Variants in CUL7 observed in about 807,000 individuals in gnomAD.
The protein encoded by CUL7 is cullin-7.
In CUL7, 96 loss-of-function variants were observed where a neutral mutation model predicts 177.7. The ratio of observed to expected loss-of-function variants is 0.54; its 90% CI spans 0.46 to 0.64. CUL7 has a LOEUF of 0.64. Among genes scored for constraint, CUL7 ranks in the 30% least tolerant of loss-of-function variants. The pLI is 0.00. For synonymous variants in CUL7, 824 were observed against 890.2 expected (o/e 0.93, Z 1.32); for missense variants, 1,893 against 2,187.9 (o/e 0.87, Z 2.69).
Position 43,051,461 on chromosome 6 carries a change from C to T in CUL7, c.740G>A (p.Gly247Glu). 6.2e-7 allele frequency: 1 copy of T among 1,614,058 alleles called. No individual in the cohort carries two copies. The highest frequency in any genetic ancestry group is 8.5e-7 in the Non-Finnish European group (1 of 1,180,018). ...FEGIQLPQVP[G>E]RVLFSLVKRY... The stretch of plus-strand genomic sequence containing the variant: ...CTTCACCAGGGAGAAGAGCACCCTT[C>T]CTGGGACCTGTGGGATACAACCTTT... The change falls in exon 4 of 26, where the codon GGA (glycine) becomes GAA (glutamate). Residue 247 changes from glycine to glutamate, a missense_variant. Around this residue, in one of 5 missense-constraint regions of CUL7, gnomAD observed 653 missense variants for 725.2 expected, o/e 0.90. Coordinates refer to ENST00000265348, the MANE Select transcript of CUL7 (RefSeq NM_014780.5). This position sits in a 1 kb window ranked among gnomAD's most constrained non-coding sequence, Gnocchi z 5.0.
At position 43,038,829 on chromosome 6, in the gene CUL7, G is replaced by A. The variant is rs144245050; in HGVS notation, c.4440+13C>T. ...GTGGGAGACAGGAGAGAGGTGCAGC[G>A]GGGCTGGGCCACCTTCAGGTCGTTG... On this transcript the variant is annotated intron_variant, in intron 23 of 25. Transcript: ENST00000265348. The A allele has an allele frequency of 1.5e-5, 24 of 1,614,172 alleles. No homozygotes were observed. The highest frequency in any genetic ancestry group is 4.0e-5 in the African/African-American group (3 of 75,054).
At position 43,051,183 on chromosome 6, in the gene CUL7, G is replaced by C. The variant is rs764274650; in HGVS notation, c.1018C>G (p.Pro340Ala). ...TGAGCCTGGGCAGCGGGGAGCCCTG[G>C]GCTCACATCTGCCAGCTGAGGCTGG... Reference protein sequence around the residue: ...IFQPQLADVSPGLPAAQAQPS... With the variant: ...IFQPQLADVSAGLPAAQAQPS... The change falls in exon 4 of 26, where the codon CCA becomes GCA. Residue 340 changes from proline to alanine, a missense_variant. Pro to Ala is a conservative substitution (Grantham distance 27). Transcript: ENST00000265348. The surrounding 1 kb of genome is among the most constrained non-coding windows in gnomAD (Gnocchi z 5.0). 1.2e-6 allele frequency: 2 copies of C among 1,614,188 alleles called. No homozygotes were observed. The highest frequency in any genetic ancestry group is 2.2e-5 in the South Asian group (2 of 91,088).
At position 43,051,260 on chromosome 6, in the gene CUL7, T is replaced by TC; in HGVS notation, c.940dup (p.Asp314GlyfsTer49). ...GCTCCTTGGTCTGTCTGAGGCCTGG[T>TC]CCCAGCGCATGGCTTGCACCAGCTC... is the stretch of plus-strand genomic sequence containing the variant. On this transcript the variant is annotated frameshift_variant, in exon 4 of 26. Transcript: ENST00000265348. LOFTEE classifies it high-confidence loss of function. This position sits in a 1 kb window ranked among gnomAD's most constrained non-coding sequence, Gnocchi z 5.0. 6.2e-7 allele frequency: 1 copy of TC among 1,612,954 alleles called. No homozygotes were observed. The highest frequency in any genetic ancestry group is 2.2e-5 in the East Asian group (1 of 44,844).
At chr6:43,044,966 A>C in intron 15 of CUL7, 81 bp from the exon 16 acceptor site, 2 of 1,575,598 alleles carry the variant, frequency 1.3e-6, no homozygotes, top group Non-Finnish European at 1.7e-6. Context: ...TAAGACTGCC[A>C]GCTAACCCCA....
chr6:43,049,268 C>T (rs778645272), intron 7 of CUL7, 139 bp downstream of exon 7: 31 of 1,082,480 alleles, frequency 2.9e-5, no homozygotes, highest in African/African-American at 1.1e-4. Flanking sequence ...CCTGCTTCTC[C>T]GTTTGTTGCT....
In CUL7 at chr6:43,038,333, G is replaced by A. The variant is rs1763127924; in HGVS notation, c.4707C>T (p.Cys1569=). ...NLEKRRNLLN[C]LIVRILKAHG... The stretch of plus-strand genomic sequence containing the variant: ...GGGCCTTGAGGATTCGGACGATGAG[G>A]CAGTTCAGAAGATTCCGTCTCTTCT... The change falls in exon 25 of 26, where the codon TGC becomes TGT. Residue 1569 remains cysteine, a synonymous_variant. Transcript: ENST00000265348. 1 of 1,614,074 alleles carries A rather than the reference G, an allele frequency of 6.2e-7. No homozygotes were observed. The highest frequency in any genetic ancestry group is 8.5e-7 in the Non-Finnish European group (1 of 1,180,052).
At position 43,043,002 on chromosome 6, in the gene CUL7, G is replaced by A. The variant is rs557518723; in HGVS notation, c.3463-18C>T. 1.1e-5 allele frequency: 18 copies of A among 1,614,112 alleles called. No individual in the cohort carries two copies. The highest frequency in any genetic ancestry group is 8.0e-5 in the African/African-American group (6 of 75,050). ...TTGTTCACCTGGAAGGAAGGGGCAG[G>A]AGCATGAAGACACAACCCAACATGC... On this transcript the variant is annotated intron_variant, in intron 18 of 25. Coordinates refer to ENST00000265348, the MANE Select transcript of CUL7 (RefSeq NM_014780.5). This position sits in a 1 kb window ranked among gnomAD's most constrained non-coding sequence, Gnocchi z 4.2.
rs1437565446 is a variant in CUL7 at position 43,040,556 on chromosome 6, G to C, written c.3997C>G (p.Leu1333Val). Residue 1333 changes from leucine to valine, a missense_variant, in exon 21 of 26, where the codon CTG (leucine) becomes GTG (valine). Coordinates refer to ENST00000265348, the MANE Select transcript of CUL7 (RefSeq NM_014780.5). This position sits in a 1 kb window ranked among gnomAD's most constrained non-coding sequence, Gnocchi z 4.2. Reference protein sequence around the residue: ...LQQLDQELLKLEDTEKKIQVG... With the variant: ...LQQLDQELLKVEDTEKKIQVG... ...TGTATTTTCTTCTCTGTATCCTCCAGCTTCAGGAGTTCCTGATCCAGCTGC... is the reference window on the plus strand; with the variant it reads ...TGTATTTTCTTCTCTGTATCCTCCACCTTCAGGAGTTCCTGATCCAGCTGC... 3 of 1,614,030 alleles carry C rather than the reference G, an allele frequency of 1.9e-6. No individual in the cohort carries two copies. The highest frequency in any genetic ancestry group is 2.5e-6 in the Non-Finnish European group (3 of 1,180,032).
Position 43,051,143 on chromosome 6 carries a change from C to G in CUL7, c.1058G>C (p.Arg353Thr). The G allele has an allele frequency of 6.2e-7, 1 of 1,614,232 alleles. No individual in the cohort carries two copies. ...AGAACGAGGGCGAAAACGTCTTGAC[C>G]TCCTGAAGGAGGGCTGAGCCTGGGC... Reference protein sequence around the residue: ...PAAQAQPSFRRSRRFRPRSEF... With the variant: ...PAAQAQPSFRTSRRFRPRSEF... Residue 353 changes from arginine to threonine, a missense_variant, in exon 4 of 26, where the codon AGG (arginine) becomes ACG (threonine). Coordinates refer to ENST00000265348, the MANE Select transcript of CUL7 (RefSeq NM_014780.5). This position sits in a 1 kb window ranked among gnomAD's most constrained non-coding sequence, Gnocchi z 5.0.
rs2150333591 is a variant in CUL7 at position 43,050,546 on chromosome 6, G to A, written c.1234-148C>T. The A allele has an allele frequency of 1.8e-6, 1 of 567,312 alleles. No homozygotes were observed. The allele number at this position is 567,312 out of a possible 1,614,324, so 35.1% of individuals were successfully genotyped here. A position where few individuals can be genotyped will look rare whatever the true frequency, so the allele number is the denominator to read the frequency against. On this transcript the variant is annotated intron_variant, in intron 4 of 25. Coordinates refer to ENST00000265348, the MANE Select transcript of CUL7 (RefSeq NM_014780.5). The surrounding 1 kb of genome is among the most constrained non-coding windows in gnomAD (Gnocchi z 4.1). ...ACATAACAAAACAGCAGCATATGGA[G>A]AATACACACACACACACACACACAC...
intron 7 of CUL7, 84 bp downstream of exon 7, chr6:43,049,323 G>A: frequency 1.3e-6 from 2 of 1,577,474 alleles, no homozygotes; most frequent in South Asian, 1.1e-5. Flanking sequence ...TTCCAGAAAG[G>A]ATTGCATAAA....
chr6:43,040,530 C>G lies in CUL7; in HGVS notation c.4023G>C (p.Gln1341His). 6.2e-7 allele frequency: 1 copy of G among 1,614,060 alleles called. No homozygotes were observed. Among genetic ancestry groups the G allele is most frequent in the South Asian group, 1.1e-5 (1 of 91,082 alleles). Residue 1341 changes from glutamine to histidine, a missense_variant and splice_region_variant, in exon 21 of 26, where the codon CAG becomes CAC. Gln to His is a conservative substitution (Grantham distance 24). This residue lies in a region of CUL7 where 973 missense variants were observed against 1,140.9 expected (regional missense o/e 0.85). Transcript: ENST00000265348. This position sits in a 1 kb window ranked among gnomAD's most constrained non-coding sequence, Gnocchi z 4.2. ...TGCTTATCCCTTCCAAGGCACTCAC[C>G]TGTATTTTCTTCTCTGTATCCTCCA... The part of the protein sequence containing the change: ...LKLEDTEKKI[Q>H]VGLGASGKEH...
In CUL7 at chr6:43,046,953, A is replaced by G. The variant is rs1048412653; in HGVS notation, c.2324T>C (p.Met775Thr). The part of the protein sequence containing the change: ...KLELAQELRD[M>T]VFKCEKHAHL... ...GGCATGCTTCTCACACTTGAACACC[A>G]TGTCCCGCAGCTCCTGAGCCAGCTC... The change falls in exon 10 of 26, where the codon ATG (methionine) becomes ACG (threonine). Residue 775 changes from methionine to threonine, a missense_variant. By Grantham distance (81) the Met-to-Thr change is moderately conservative (BLOSUM62 -1). This residue lies in a region of CUL7 where 973 missense variants were observed against 1,140.9 expected (regional missense o/e 0.85). Coordinates refer to ENST00000265348, the MANE Select transcript of CUL7 (RefSeq NM_014780.5). 6.2e-7 allele frequency: 1 copy of G among 1,613,548 alleles called. No individual in the cohort carries two copies. The highest frequency in any genetic ancestry group is 1.3e-5 in the African/African-American group (1 of 74,850).
In CUL7 at chr6:43,048,346, G is replaced by T; in HGVS notation, c.2049C>A (p.His683Gln). Residue 683 changes from histidine to glutamine, a missense_variant, in exon 8 of 26, where the codon CAC becomes CAA. Coordinates refer to ENST00000265348, the MANE Select transcript of CUL7 (RefSeq NM_014780.5). ...CATGCTCTCACCTCAGCACAGTCAG[G>T]TGCAGGGTCCTGTTAGTCTCCGGAG... ...LDTPETNRTL[H>Q]LTVLRILKQL... The T allele has an allele frequency of 1.9e-6, 3 of 1,611,520 alleles. No homozygotes were observed. The highest frequency in any genetic ancestry group is 2.5e-6 in the Non-Finnish European group (3 of 1,177,536).
rs1317553410 is a variant in CUL7, at chr6:43,051,382, C to T, written c.819G>A (p.Glu273=). 1.9e-6 allele frequency: 3 copies of T among 1,613,966 alleles called. No individual in the cohort carries two copies. The highest frequency in any genetic ancestry group is 2.5e-6 in the Non-Finnish European group (3 of 1,179,994). Residue 273 remains glutamate, a synonymous_variant, in exon 4 of 26, where the codon GAG becomes GAA. Transcript: ENST00000265348. The surrounding 1 kb of genome is among the most constrained non-coding windows in gnomAD (Gnocchi z 5.0). The part of the protein sequence containing the change: ...LLDQLNDSAA[E]PGAQNTSAPE... The stretch of plus-strand genomic sequence containing the variant: ...GAGCAGAGGTGTTCTGGGCTCCTGG[C>T]TCCGCAGCACTGTCGTTCAGCTGAT...
Position 43,047,017 on chromosome 6 carries a change from C to G in CUL7, c.2260G>C (p.Ala754Pro). Residue 754 changes from alanine to proline, a missense_variant, in exon 10 of 26, where the codon GCT becomes CCT. Around this residue, in one of 5 missense-constraint regions of CUL7, gnomAD observed 973 missense variants for 1,140.9 expected, o/e 0.85. Coordinates refer to ENST00000265348, the MANE Select transcript of CUL7 (RefSeq NM_014780.5). ...TGCTTTTCCAGGGCCTTGGAGATAGCGTCTCTTGCTCCCAGCTGATTCAGC... is the reference window on the plus strand; with the variant it reads ...TGCTTTTCCAGGGCCTTGGAGATAGGGTCTCTTGCTCCCAGCTGATTCAGC... ...VVLNQLGARD[A>P]ISKALEKHLG... 1 of 1,612,302 alleles carries G rather than the reference C, an allele frequency of 6.2e-7. No homozygotes were observed. The highest frequency in any genetic ancestry group is 1.7e-4 in the Middle Eastern group (1 of 6,060).
chr6:43,045,017 T>C lies in CUL7; in HGVS notation c.3039-132A>G. On this transcript the variant is annotated intron_variant, in intron 15 of 25. Transcript: ENST00000265348. This position sits in a 1 kb window ranked among gnomAD's most constrained non-coding sequence, Gnocchi z 4.8. ...GCCCCCTGGTACTTCAGAACTGCTC[T>C]GTGCTAACTGGTATATCCCATTCCC... 7.1e-7 allele frequency: 1 copy of C among 1,406,916 alleles called. No homozygotes were observed. The highest frequency in any genetic ancestry group is 1.3e-5 in the South Asian group (1 of 76,754). The allele number at this position is 1,406,916 out of a possible 1,614,324, so 87.2% of individuals were successfully genotyped here.
Position 43,051,046 on chromosome 6 carries a change from C to A in CUL7, c.1155G>T (p.Met385Ile). The A allele has an allele frequency of 6.2e-7, 1 of 1,614,204 alleles. No individual in the cohort carries two copies. The highest frequency in any genetic ancestry group is 8.5e-7 in the Non-Finnish European group (1 of 1,180,040). Reference sequence around the variant, plus strand: ...CACTGATCTCCTCATAATCATCCAGCATCCGCACTCGCATCCCCGGCTGCA... The same window carrying A: ...CACTGATCTCCTCATAATCATCCAGAATCCGCACTCGCATCCCCGGCTGCA... ...DTLQPGMRVR[M>I]LDDYEEISAG... The change falls in exon 4 of 26, where the codon ATG (methionine) becomes ATT (isoleucine). Residue 385 changes from methionine to isoleucine, a missense_variant. By Grantham distance (10) the Met-to-Ile change is conservative. Around this residue, in one of 5 missense-constraint regions of CUL7, gnomAD observed 653 missense variants for 725.2 expected, o/e 0.90. Transcript: ENST00000265348. This position sits in a 1 kb window ranked among gnomAD's most constrained non-coding sequence, Gnocchi z 5.0.
rs368015111 is a variant in CUL7, at chr6:43,051,584, C to G, written c.732+28G>C. 25 of 1,613,880 alleles carry G rather than the reference C, an allele frequency of 1.5e-5. No homozygotes were observed. The highest frequency in any genetic ancestry group is 2.5e-6 in the Non-Finnish European group (3 of 1,179,974). On this transcript the variant is annotated intron_variant, in intron 3 of 25. Transcript: ENST00000265348. This position sits in a 1 kb window ranked among gnomAD's most constrained non-coding sequence, Gnocchi z 5.0. Reference sequence around the variant, plus strand: ...GGACCCTAGATCTTGTTCACAAGTTCCCCCCACCTTACACCCCCAAAGGTT... The same window carrying G: ...GGACCCTAGATCTTGTTCACAAGTTGCCCCCACCTTACACCCCCAAAGGTT...
Sources: gnomAD v4.1 joint callset for allele counts on GRCh38, gnomAD v4.1.1 for gene constraint, gnomAD v4.1.1 regional missense constraint, Gnocchi (gnomAD v3.1) non-coding constraint, MANE v1.5 for transcripts, NCBI Gene and HGNC (gene_info 2026-07-23, HGNC 2026-07-21) for gene names.